The following KCNK13 variants were observed in gnomAD, a reference collection of about 807,000 sequenced individuals.
KCNK13 encodes the protein potassium two pore domain channel subfamily K member 13, also known as potassium channel subfamily K member 13.
In KCNK13, 12 loss-of-function variants were observed where a neutral mutation model predicts 23.4. The ratio of observed to expected loss-of-function variants is 0.51; its 90% CI spans 0.33 to 0.83. KCNK13 has a LOEUF of 0.83. Ranked by LOEUF, KCNK13 falls within the 40% of genes least tolerant of loss-of-function variation. The pLI, the probability that KCNK13 is intolerant of heterozygous loss-of-function variation, is 0.02. For synonymous variants in KCNK13, 231 were observed against 229.5 expected (o/e 1.01, Z -0.06); for missense variants, 463 against 556.3 (o/e 0.83, Z 1.69).
At chr14:90,165,474 T>C (rs1316053757) in intron 1 of KCNK13, among the ~76,000 whole-genome samples, 1 of 152,146 alleles carries the variant, frequency 6.6e-6, no homozygotes, top group African/African-American at 2.4e-5. Flanking sequence ...AATAAAGACA[T>C]AGTCATCATT....
At chr14:90,104,673 C>A (rs1889521210) in intron 1 of KCNK13, among the ~76,000 whole-genome samples, 1 of 150,686 alleles carries the variant, frequency 6.6e-6, no homozygotes, top group Non-Finnish European at 1.5e-5. Context: ...CAGATTAAGC[C>A]CAAGGGAGAC....
intron 1 of KCNK13, among the ~76,000 whole-genome samples, chr14:90,092,680 AACAC>A (rs1282101256): frequency 6.6e-6 from 1 of 152,110 alleles, no homozygotes; most frequent in Non-Finnish European, 1.5e-5. Context: ...CTATAATCCC[AACAC>A]TTTGGGAGGC....
At chr14:90,167,746 G>C (rs907060291) in intron 1 of KCNK13, among the ~76,000 whole-genome samples, 24 of 152,064 alleles carry the variant, frequency 1.6e-4, no homozygotes, top group Non-Finnish European at 5.9e-5. Flanking sequence ...TCACATTGCT[G>C]CATCTCCCTC....
Position 90,085,745 on chromosome 14 carries a change from AATTATAT to A in KCNK13, c.334+23222_334+23228del, listed in dbSNP as rs201224453. On this transcript the variant is annotated intron_variant, in intron 1 of 1. Coordinates refer to ENST00000282146, the MANE Select transcript of KCNK13 (RefSeq NM_022054.4). ...ATATATAATATATATATACTTATATAATTATATATTATATATTATATAAATTATATAT... is the reference window on the plus strand; with the variant it reads ...ATATATAATATATATATACTTATATAATTATATATTATATAAATTATATAT... 6.3e-4 allele frequency among the ~76,000 whole-genome samples: 86 copies of A among 136,084 alleles called. No homozygotes were observed. In the Middle Eastern group the frequency reaches 0.015, roughly 24 times the overall value. The allele number at this position is 136,084 out of a possible 152,430, so 89.3% of individuals were successfully genotyped here. A position where few individuals can be genotyped will look rare whatever the true frequency, so the allele number is the denominator to read the frequency against.
Position 90,184,495 on chromosome 14 carries a change from T to C in KCNK13, c.719T>C (p.Phe240Ser). ...TTTGTGGCTTTCAGCACCATTGGCT[T>C]TGGGGACCTGGTCAGCAGCCAGAAC... Reference protein sequence around the residue: ...FCFVAFSTIGFGDLVSSQNAH... With the variant: ...FCFVAFSTIGSGDLVSSQNAH... The change falls in exon 2 of 2, where the codon TTT (phenylalanine) becomes TCT (serine). Residue 240 changes from phenylalanine (F) to serine (S), a missense_variant. Transcript: ENST00000282146. This position sits in a 1 kb window ranked among gnomAD's most constrained non-coding sequence, Gnocchi z 5.6. 2 of 1,614,244 alleles carry C rather than the reference T, an allele frequency of 1.2e-6. No individual in the cohort carries two copies. Among genetic ancestry groups the C allele is most frequent in the South Asian group, 1.1e-5 (1 of 91,076 alleles).
intron 1 of KCNK13, among the ~76,000 whole-genome samples, chr14:90,094,800 A>G (rs1450806127): frequency 6.6e-6 from 1 of 151,308 alleles, no homozygotes; most frequent in Non-Finnish European, 1.5e-5. Flanking sequence ...GGCGCCCACC[A>G]CCACGCCTGG....
intron 1 of KCNK13, among the ~76,000 whole-genome samples, chr14:90,065,325 G>A (rs577373344): frequency 6.6e-6 from 1 of 152,204 alleles, no homozygotes; most frequent in South Asian, 2.1e-4. Flanking sequence ...TCAGAACCAG[G>A]GAAAAGAAGA....
chr14:90,163,884 G>A (rs1890276129), intron 1 of KCNK13, among the ~76,000 whole-genome samples: 1 of 152,052 alleles, frequency 6.6e-6, no homozygotes, highest in Admixed American at 6.6e-5. Context: ...TAGAGATGGG[G>A]TTTCACCATG....
At chr14:90,173,374 T>C (rs1890386732) in intron 1 of KCNK13, among the ~76,000 whole-genome samples, 1 of 152,042 alleles carries the variant, frequency 6.6e-6, no homozygotes, top group Non-Finnish European at 1.5e-5. Context: ...TCAAAAAGAA[T>C]ATGAAGAATA....
At chr14:90,063,438 A>G (rs1015855361) in intron 1 of KCNK13, among the ~76,000 whole-genome samples, 3 of 152,132 alleles carry the variant, frequency 2.0e-5, no homozygotes, top group African/African-American at 7.2e-5. Context: ...ACCCCTAAAG[A>G]TTGTTCATCC....
chr14:90,184,999 G>T lies in KCNK13; in HGVS notation c.1223G>T (p.Arg408Met). ...NNRLAETSGD[R>M] ...AGGTTGGCAGAGACCAGTGGGGACA[G>T]GTAGAAGCCAGGAGTGGATGCTGGG... is the stretch of plus-strand genomic sequence containing the variant. The change falls in exon 2 of 2, where the codon AGG (arginine) becomes ATG (methionine). Residue 408 changes from arginine to methionine, a missense_variant. Arg to Met is a moderately conservative substitution (Grantham distance 91, BLOSUM62 -1). Around this residue, in one of 3 missense-constraint regions of KCNK13, gnomAD observed 166 missense variants for 178.8 expected, o/e 0.93. Coordinates refer to ENST00000282146, the MANE Select transcript of KCNK13 (RefSeq NM_022054.4). This position sits in a 1 kb window ranked among gnomAD's most constrained non-coding sequence, Gnocchi z 5.6. 6.3e-7 allele frequency: 1 copy of T among 1,580,910 alleles called. No homozygotes were observed.
At chr14:90,134,923 G>A (rs376608621) in intron 1 of KCNK13, among the ~76,000 whole-genome samples, 1 of 152,168 alleles carries the variant, frequency 6.6e-6, no homozygotes, top group Non-Finnish European at 1.5e-5. Context: ...TAGATGATAA[G>A]CCTCCCCTGA....
chr14:90,077,214 G>A (rs1889149286), intron 1 of KCNK13, among the ~76,000 whole-genome samples: 1 of 144,450 alleles, frequency 6.9e-6, no homozygotes, highest in African/African-American at 2.6e-5. Context: ...CCGCCTCCCG[G>A]GTTCAAGCAA....
intron 1 of KCNK13, among the ~76,000 whole-genome samples, chr14:90,157,063 C>G (rs1370350904): frequency 6.6e-6 from 1 of 152,208 alleles, no homozygotes. Context: ...TATAATCAGA[C>G]ACTCCCATCA....
intron 1 of KCNK13, among the ~76,000 whole-genome samples, chr14:90,149,896 A>G (rs1890115992): frequency 6.6e-6 from 1 of 152,158 alleles, no homozygotes; most frequent in African/African-American, 2.4e-5. Context: ...AGCACTTACT[A>G]TGTCCAGGCA....
intron 1 of KCNK13, among the ~76,000 whole-genome samples, chr14:90,152,582 A>G (rs1890146431): frequency 1.3e-5 from 2 of 151,786 alleles, no homozygotes; most frequent in Non-Finnish European, 2.9e-5. Context: ...GCCTTCCACC[A>G]TGATTGTGAG....
At chr14:90,126,153 T>C (rs1188769565) in intron 1 of KCNK13, among the ~76,000 whole-genome samples, 1 of 152,050 alleles carries the variant, frequency 6.6e-6, no homozygotes, top group Non-Finnish European at 1.5e-5. Flanking sequence ...AAGTAAATGA[T>C]TCAATAAATA....
At chr14:90,110,500 G>A (rs1300897804) in intron 1 of KCNK13, among the ~76,000 whole-genome samples, 2 of 114,906 alleles carry the variant, frequency 1.7e-5, no homozygotes, top group African/African-American at 2.9e-5. Context: ...AAAAAAAAAA[G>A]CATCTGATTC....
chr14:90,164,683 A>G (rs1370528952), intron 1 of KCNK13, among the ~76,000 whole-genome samples: 1 of 152,230 alleles, frequency 6.6e-6, no homozygotes, highest in Non-Finnish European at 1.5e-5. Context: ...ACAGACTGAA[A>G]GAACACATAC....
Sources: allele counts gnomAD v4.1 joint callset (sites outside exome capture counted in the v4.1 genomes callset), GRCh38; gene constraint gnomAD v4.1.1; regional missense constraint gnomAD v4.1.1; non-coding constraint Gnocchi (gnomAD v3.1); transcripts MANE v1.5; gene names NCBI Gene and HGNC (gene_info 2026-07-23, HGNC 2026-07-21).